The following CRYBG3 variants were observed in gnomAD, a reference collection of about 807,000 sequenced individuals.
CRYBG3 encodes very large A-kinase anchor protein.
Under a neutral mutation model 244.2 loss-of-function variants are expected in CRYBG3, and 127 were observed. That is an observed-to-expected ratio of 0.52 (90% CI 0.45 to 0.60). CRYBG3 has a LOEUF of 0.60. CRYBG3 is among the 20% of genes least tolerant of loss of function. CRYBG3 has a pLI of 0.00. For synonymous variants in CRYBG3, 1,132 were observed against 1,195.8 expected, an observed-to-expected ratio of 0.95 and a Z score of 1.10; for missense variants, 3,325 against 3,442.5, an observed-to-expected ratio of 0.97 and a Z score of 0.85.
chr3:97,871,775 G>A, intron 3 of CRYBG3, 67 bp from the exon 4 acceptor site: 1 of 1,150,814 alleles, frequency 8.7e-7, no homozygotes, highest in South Asian at 1.9e-5. Context: ...TTTTACCACA[G>A]TTGCTGGGAT....
In CRYBG3 at chr3:97,912,217, A is replaced by G. The variant is rs1311679005; in HGVS notation, c.8055A>G (p.Thr2685=). The change falls in exon 16 of 22, where the codon ACA becomes ACG. Residue 2685 remains threonine, a synonymous_variant. Coordinates refer to ENST00000389622, the MANE Select transcript of CRYBG3 (RefSeq NM_153605.4). The stretch of plus-strand genomic sequence containing the variant: ...TCCAAGGTGAATGTATAGATTTTAC[A>G]GAAGAAACTTCTGATTTGACTTCAC... ...PGFQGECIDF[T]EETSDLTSLM... 2.5e-6 allele frequency: 4 copies of G among 1,609,224 alleles called. No individual in the cohort carries two copies. In the South Asian group the frequency reaches 3.3e-5, roughly 13 times the overall value.
At chr3:97,833,725 A>G (rs1254987300) in intron 1 of CRYBG3, among the ~76,000 whole-genome samples, 1 of 152,184 alleles carries the variant, frequency 6.6e-6, no homozygotes, top group Admixed American at 6.5e-5. Flanking sequence ...TAATAATAAA[A>G]AAAATTGCTA....
At chr3:97,938,504 C>G (rs2040188765) in intron 19 of CRYBG3, among the ~76,000 whole-genome samples, 1 of 151,896 alleles carries the variant, frequency 6.6e-6, no homozygotes, top group South Asian at 2.1e-4. Context: ...AAATATTAAC[C>G]TAATTGGTCT....
intron 17 of CRYBG3, among the ~76,000 whole-genome samples, chr3:97,922,737 G>C (rs1255917797): frequency 6.6e-6 from 1 of 152,178 alleles, no homozygotes; most frequent in African/African-American, 2.4e-5. Context: ...TACACTGTTG[G>C]TGGGACTGTA....
intron 17 of CRYBG3, among the ~76,000 whole-genome samples, chr3:97,919,923 G>C (rs773596779): frequency 6.6e-6 from 1 of 151,980 alleles, no homozygotes; most frequent in African/African-American, 2.4e-5. Context: ...GCACCACCAT[G>C]TCTGGCTAGT....
chr3:97,933,861 G>A (rs2040126481), intron 18 of CRYBG3, 28 bp downstream of exon 18: 2 of 1,602,966 alleles, frequency 1.2e-6, no homozygotes, highest in Admixed American at 1.7e-5. Context: ...GCTTGGTCTG[G>A]TTCAGTTACT....
At chr3:97,829,638 G>A (rs899471707) in intron 1 of CRYBG3, among the ~76,000 whole-genome samples, 4 of 152,204 alleles carry the variant, frequency 2.6e-5, no homozygotes, top group African/African-American at 9.7e-5. Flanking sequence ...TCTTCCATGT[G>A]ATCCTAACAT....
At chr3:97,847,290 C>G (rs1173309470) in intron 2 of CRYBG3, among the ~76,000 whole-genome samples, 6 of 152,170 alleles carry the variant, frequency 3.9e-5, no homozygotes, top group Non-Finnish European at 8.8e-5. Context: ...AAAACAACAA[C>G]AACAAAAATA....
At chr3:97,941,090 A>T in intron 19 of CRYBG3, 58 bp from the exon 20 acceptor site, 2 of 1,448,760 alleles carry the variant, frequency 1.4e-6, no homozygotes, top group Non-Finnish European at 1.9e-6. Context: ...CCTCCTCTGG[A>T]AGGATTCATT....
At chr3:97,885,842 G>A (rs1406800887) in intron 7 of CRYBG3, among the ~76,000 whole-genome samples, 6 of 152,154 alleles carry the variant, frequency 3.9e-5, no homozygotes, top group African/African-American at 1.4e-4. Flanking sequence ...CTTGAGGAAA[G>A]TGATGTTCTA....
chr3:97,881,320 G>A (rs1559731611), intron 7 of CRYBG3, 101 bp downstream of exon 7: 2 of 747,402 alleles, frequency 2.7e-6, no homozygotes, highest in Non-Finnish European at 4.1e-6. Context: ...GCTAATTTTT[G>A]TGCTGTTATT....
At chr3:97,939,744 A>G (rs1187317032) in intron 19 of CRYBG3, among the ~76,000 whole-genome samples, 3 of 152,078 alleles carry the variant, frequency 2.0e-5, no homozygotes, top group Non-Finnish European at 2.9e-5. Context: ...CGGCTGAATT[A>G]TAGACATTTA....
At chr3:97,915,771 C>A (rs767219692) in intron 17 of CRYBG3, 35 bp downstream of exon 17, 5 of 1,531,648 alleles carry the variant, frequency 3.3e-6, no homozygotes, top group East Asian at 2.3e-5. Context: ...TTATAAGATT[C>A]TTTTTCTTGT....
rs2039356848 is a variant in CRYBG3, at chr3:97,875,245, C to T, written c.4051C>T (p.Pro1351Ser). ...AATTCTGAACAGTGATAGTGTTAAG[C>T]CACATGATGTAGTTAGAGAGTTCTT... The part of the protein sequence containing the change: ...SKILNSDSVK[P>S]HDVVREFLVS... Residue 1351 changes from proline to serine, a missense_variant, in exon 4 of 22, where the codon CCA becomes TCA. By Grantham distance (74) the Pro-to-Ser change is moderately conservative. Transcript: ENST00000389622. 5 of 1,516,304 alleles carry T rather than the reference C, an allele frequency of 3.3e-6. No homozygotes were observed. The highest frequency in any genetic ancestry group is 4.4e-6 in the Non-Finnish European group (5 of 1,139,692). 93.9% of individuals were successfully genotyped at this position (1,516,304 alleles called of 1,614,324 possible). A position where few individuals can be genotyped will look rare whatever the true frequency, so the allele number is the denominator to read the frequency against.
chr3:97,832,760 A>T (rs921760216), intron 1 of CRYBG3, among the ~76,000 whole-genome samples: 1 of 152,222 alleles, frequency 6.6e-6, no homozygotes, highest in African/African-American at 2.4e-5. Context: ...AGCAAAAGAA[A>T]CTATCATCAG....
intron 15 of CRYBG3, among the ~76,000 whole-genome samples, chr3:97,903,837 A>C (rs1050486344): frequency 7.9e-5 from 12 of 152,330 alleles, no homozygotes; most frequent in Non-Finnish European, 1.6e-4. Flanking sequence ...AGTTCTAAGA[A>C]AGAAATACAA....
Position 97,872,895 on chromosome 3 carries a change from C to T in CRYBG3, c.1701C>T (p.Ala567=). Residue 567 remains alanine, a synonymous_variant, in exon 4 of 22, where the codon GCC becomes GCT. Coordinates refer to ENST00000389622, the MANE Select transcript of CRYBG3 (RefSeq NM_153605.4). Reference sequence around the variant, plus strand: ...CTGACCAATACTTTGAAACCAAAGCCAAAAAGCTTGATTTTAGGTCACATG... The same window carrying T: ...CTGACCAATACTTTGAAACCAAAGCTAAAAAGCTTGATTTTAGGTCACATG... ...KDTDQYFETK[A]KKLDFRSHDK... is the part of the protein sequence containing the mutation. 6.5e-7 allele frequency: 1 copy of T among 1,529,426 alleles called. No individual in the cohort carries two copies. Among genetic ancestry groups the T allele is most frequent in the Non-Finnish European group, 8.7e-7 (1 of 1,145,262 alleles). 94.7% of individuals were successfully genotyped at this position (1,529,426 alleles called of 1,614,324 possible).
At chr3:97,887,619 G>A (rs1317841064) in intron 8 of CRYBG3, among the ~76,000 whole-genome samples, 1 of 152,158 alleles carries the variant, frequency 6.6e-6, no homozygotes, top group East Asian at 1.9e-4. Flanking sequence ...AGCTGGGCAT[G>A]GTGGCGCATT....
In CRYBG3 at chr3:97,822,122, C is replaced by A; in HGVS notation, c.-85C>A. The A allele has an allele frequency of 7.8e-7, 1 of 1,289,120 alleles. No homozygotes were observed. The highest frequency in any genetic ancestry group is 1.0e-6 in the Non-Finnish European group (1 of 990,876). The allele number at this position is 1,289,120 out of a possible 1,614,324, so 79.9% of individuals were successfully genotyped here. A position where few individuals can be genotyped will look rare whatever the true frequency, so the allele number is the denominator to read the frequency against. The stretch of plus-strand genomic sequence containing the variant: ...GAGTCGGTCTGCCCTAGCCGCATCC[C>A]GCGGCGCCCGGTCGGGCTCCGGGCA... On this transcript the variant is annotated 5_prime_UTR_variant, in exon 1 of 22. Transcript: ENST00000389622.
Sources: allele counts gnomAD v4.1 joint callset (sites outside exome capture counted in the v4.1 genomes callset), GRCh38; gene constraint gnomAD v4.1.1; transcripts MANE v1.5; gene names NCBI Gene and HGNC (gene_info 2026-07-23, HGNC 2026-07-21).